The following ZFP69B variants were observed in gnomAD, a reference collection of about 807,000 sequenced individuals.
ZFP69B encodes the protein zinc finger protein 69 homolog B.
Under a neutral mutation model 19.7 loss-of-function variants are expected in ZFP69B, and 20 were observed. That is an observed-to-expected ratio of 1.02 (90% CI 0.71 to 1.48). The LOEUF (loss-of-function observed/expected upper bound fraction) is 1.48. ZFP69B is among the 40% of genes most tolerant of loss of function. The pLI is 0.00. For missense variants in ZFP69B, 583 were observed against 632.6 expected, an observed-to-expected ratio of 0.92 and a Z score of 0.84; for synonymous variants, 220 against 222.7, an observed-to-expected ratio of 0.99 and a Z score of 0.11.
intron 4 of ZFP69B, among the ~76,000 whole-genome samples, chr1:40,459,978 A>G (rs977216771): frequency 1.3e-5 from 2 of 152,224 alleles, no homozygotes; most frequent in African/African-American, 2.4e-5. Flanking sequence ...TATGCCAGGT[A>G]TACAATGCAT....
chr1:40,459,795 C>T (rs532235472), intron 4 of ZFP69B, among the ~76,000 whole-genome samples: 2 of 152,096 alleles, frequency 1.3e-5, no homozygotes, highest in East Asian at 3.9e-4. Flanking sequence ...TAAGCTGACT[C>T]CAAAATTTAT....
rs561128615 is a variant in ZFP69B, at chr1:40,451,083, C to G, written c.122C>G (p.Ala41Gly). The G allele has an allele frequency of 1.9e-6, 3 of 1,538,624 alleles. No homozygotes were observed. The African/African-American group carries it at 4.1e-5, about 21-fold the overall frequency. ...GAGGATGTGACTAAGATGTTTAAAG[C>G]AGAAGGTAAGAATAAACTGATGGGT... ...LWEDVTKMFKAEALLSQDADE... is the reference protein window; with the variant it reads ...LWEDVTKMFKGEALLSQDADE... Residue 41 changes from alanine to glycine, a missense_variant, in exon 1 of 5, where the codon GCA becomes GGA. Ala to Gly is a moderately conservative substitution (Grantham distance 60). Transcript: ENST00000361584.
intron 2 of ZFP69B, among the ~76,000 whole-genome samples, chr1:40,456,193 C>T (rs1645231244): frequency 6.6e-6 from 1 of 152,172 alleles, no homozygotes; most frequent in South Asian, 2.1e-4. Context: ...CTCTCTTCCA[C>T]AATGGTTGAA....
intron 4 of ZFP69B, among the ~76,000 whole-genome samples, chr1:40,458,527 T>C (rs1645254853): frequency 1.4e-5 from 2 of 144,694 alleles, no homozygotes; most frequent in South Asian, 2.2e-4. Flanking sequence ...TTTTTTTTTT[T>C]CTTTTTTGAG....
intron 4 of ZFP69B, among the ~76,000 whole-genome samples, chr1:40,460,184 A>G (rs1303123260): frequency 3.9e-5 from 6 of 152,238 alleles, no homozygotes; most frequent in Admixed American, 2.0e-4. Flanking sequence ...AGTAAAGCCA[A>G]TGAAATACTG....
chr1:40,455,380 C>A (rs1645223742), intron 2 of ZFP69B, among the ~76,000 whole-genome samples: 1 of 152,158 alleles, frequency 6.6e-6, no homozygotes, highest in Non-Finnish European at 1.5e-5. Context: ...GTGTTTAAAT[C>A]ATAGGGTTTA....
chr1:40,463,553 A>T lies in ZFP69B; in HGVS notation c.1569A>T (p.Lys523Asn). ...SCSSSLIRHC[K>N]THLRNTFSNV... ...GTTCATCCCTTATTAGACACTGCAA[A>T]ACACATTTAAGAAATACCTTCAGCA... is the stretch of plus-strand genomic sequence containing the variant. Residue 523 changes from lysine (K) to asparagine (N), a missense_variant, in exon 5 of 5, where the codon AAA becomes AAT. Coordinates refer to ENST00000361584, the MANE Select transcript of ZFP69B (RefSeq NM_023070.3). The T allele has an allele frequency of 6.2e-7, 1 of 1,612,154 alleles. No homozygotes were observed. Among genetic ancestry groups the T allele is most frequent in the Non-Finnish European group, 8.5e-7 (1 of 1,179,090 alleles).
rs1645315465 is a variant in ZFP69B, at chr1:40,463,685, A to G, written c.*96A>G. The stretch of plus-strand genomic sequence containing the variant: ...AAATCCATTTGTTTTTGGATTTCCA[A>G]AAACGAACATTAAAAAAAAATGGTT... On this transcript the variant is annotated 3_prime_UTR_variant, in exon 5 of 5. Coordinates refer to ENST00000361584, the MANE Select transcript of ZFP69B (RefSeq NM_023070.3). The G allele has an allele frequency of 1.7e-5, 20 of 1,198,740 alleles. No homozygotes were observed. Among genetic ancestry groups the G allele is most frequent in the Admixed American group, 8.5e-5 (3 of 35,210 alleles). The allele number at this position is 1,198,740 out of a possible 1,614,324, so 74.3% of individuals were successfully genotyped here. A position where few individuals can be genotyped will look rare whatever the true frequency, so the allele number is the denominator to read the frequency against.
intron 2 of ZFP69B, 29 bp from the exon 3 acceptor site, chr1:40,456,916 G>A (rs772540396): frequency 3.8e-6 from 6 of 1,595,662 alleles, no homozygotes; most frequent in African/African-American, 2.7e-5. Context: ...CCAAAGTCTG[G>A]CTGAAAAGGA....
At chr1:40,462,372 T>C in intron 4 of ZFP69B, 49 bp from the exon 5 acceptor site, 1 of 1,515,430 alleles carries the variant, frequency 6.6e-7, no homozygotes, top group Non-Finnish European at 8.8e-7. Context: ...GGCAATTAAT[T>C]TTTTAAAGTG....
chr1:40,462,407 A>G lies in ZFP69B; in HGVS notation c.437-14A>G, dbSNP rs1361859469. The G allele has an allele frequency of 6.4e-7, 1 of 1,552,796 alleles. No individual in the cohort carries two copies. Among genetic ancestry groups the G allele is most frequent in the Admixed American group, 2.2e-5 (1 of 45,682 alleles). ...GCAAGGAATATGGATCTTTTTTTTT[A>G]TTATTTCTTTCAGACTTGAAGAGCA... On this transcript the variant is annotated splice_polypyrimidine_tract_variant and intron_variant, in intron 4 of 4. Coordinates refer to ENST00000361584, the MANE Select transcript of ZFP69B (RefSeq NM_023070.3).
Position 40,462,665 on chromosome 1 carries a change from A to G in ZFP69B, c.681A>G (p.Arg227=), listed in dbSNP as rs1645300283. Residue 227 remains arginine, a synonymous_variant, in exon 5 of 5, where the codon AGA becomes AGG. Coordinates refer to ENST00000361584, the MANE Select transcript of ZFP69B (RefSeq NM_023070.3). ...AGGAGAGAGGCCAAGAGTCTAATAGATTTGAGAAAAGAATTAATGTGAAGT... is the reference window on the plus strand; with the variant it reads ...AGGAGAGAGGCCAAGAGTCTAATAGGTTTGAGAAAAGAATTAATGTGAAGT... The part of the protein sequence containing the change: ...FTQERGQESN[R]FEKRINVKSE... The G allele has an allele frequency of 6.2e-7, 1 of 1,614,004 alleles. No homozygotes were observed. The highest frequency in any genetic ancestry group is 1.3e-5 in the African/African-American group (1 of 74,940).
Position 40,456,992 on chromosome 1 carries a change from G to C in ZFP69B, c.261G>C (p.Glu87Asp). The change falls in exon 3 of 5, where the codon GAG (glutamate) becomes GAC (aspartate). Residue 87 changes from glutamate (E) to aspartate (D), a missense_variant. Glu to Asp is a conservative substitution (Grantham distance 45). Coordinates refer to ENST00000361584, the MANE Select transcript of ZFP69B (RefSeq NM_023070.3). Reference protein sequence around the residue: ...KDVSVDFTQEEWGQLAPAHRN... With the variant: ...KDVSVDFTQEDWGQLAPAHRN... ...TATCTGTGGACTTCACTCAGGAGGA[G>C]TGGGGGCAGCTGGCCCCTGCTCACC... is the stretch of plus-strand genomic sequence containing the variant. 1 of 1,614,128 alleles carries C rather than the reference G, an allele frequency of 6.2e-7. No individual in the cohort carries two copies. The highest frequency in any genetic ancestry group is 8.5e-7 in the Non-Finnish European group (1 of 1,179,998).
At chr1:40,459,959 CA>C (rs1354069320) in intron 4 of ZFP69B, among the ~76,000 whole-genome samples, 1 of 152,072 alleles carries the variant, frequency 6.6e-6, no homozygotes, top group Non-Finnish European at 1.5e-5. Flanking sequence ...CCCCTTCATC[CA>C]AAAATGTTAT....
At chr1:40,459,085 G>T (rs1645259614) in intron 4 of ZFP69B, among the ~76,000 whole-genome samples, 1 of 152,130 alleles carries the variant, frequency 6.6e-6, no homozygotes. Context: ...TAATTCAAGG[G>T]AGATTGGGAA....
intron 2 of ZFP69B, among the ~76,000 whole-genome samples, chr1:40,455,598 TTTTG>T (rs968845910): frequency 5.9e-5 from 9 of 152,310 alleles, no homozygotes; most frequent in East Asian, 3.9e-4. Flanking sequence ...TTTGTTTGTT[TTTTG>T]TTTGTTTGTT....
intron 4 of ZFP69B, among the ~76,000 whole-genome samples, chr1:40,460,074 T>C (rs919081133): frequency 1.3e-5 from 2 of 152,166 alleles, no homozygotes; most frequent in Non-Finnish European, 2.9e-5. Flanking sequence ...ACCTCTTATA[T>C]TGGCAAAAAT....
intron 2 of ZFP69B, among the ~76,000 whole-genome samples, chr1:40,456,426 C>G: frequency 6.6e-6 from 1 of 152,162 alleles, no homozygotes; most frequent in Admixed American, 6.5e-5. Context: ...ATACTTCTTA[C>G]CCCAGAATGT....
At chr1:40,454,138 T>TA in intron 1 of ZFP69B, 65 bp from the exon 2 acceptor site, 1 of 1,321,400 alleles carries the variant, frequency 7.6e-7, no homozygotes, top group Non-Finnish European at 1.0e-6. Context: ...AGTGGGTCTG[T>TA]AGGCAGTTTC....
Sources: allele counts gnomAD v4.1 joint callset (sites outside exome capture counted in the v4.1 genomes callset), GRCh38; gene constraint gnomAD v4.1.1; transcripts MANE v1.5; gene names NCBI Gene and HGNC (gene_info 2026-07-23, HGNC 2026-07-21).